Variants in C12orf50 observed in about 807,000 individuals in gnomAD.
C12orf50 encodes zinc finger CCCH-type containing 11D.
C12orf50 carries 35 observed loss-of-function variants against 61.6 expected under a neutral mutation model. That is an observed-to-expected ratio of 0.57 (90% CI 0.43 to 0.75). The LOEUF is 0.75. Ranked by LOEUF, C12orf50 falls within the 30% of genes least tolerant of loss-of-function variation. C12orf50 has a pLI of 0.00. For synonymous variants in C12orf50, 178 were observed against 161.5 expected, an observed-to-expected ratio of 1.10 and a Z score of -0.77; for missense variants, 475 against 488.5, an observed-to-expected ratio of 0.97 and a Z score of 0.26.
At chr12:87,986,242 T>G (rs2030813884) in intron 10 of C12orf50, 70 bp downstream of exon 10, 7 of 1,301,464 alleles carry the variant, frequency 5.4e-6, no homozygotes, top group Non-Finnish European at 7.4e-6. Flanking sequence ...GTTTTTCAGG[T>G]AGAAGATATT....
chr12:88,020,432 A>T (rs2032473360), intron 3 of C12orf50, among the ~76,000 whole-genome samples: 2 of 152,154 alleles, frequency 1.3e-5, no homozygotes, highest in African/African-American at 4.8e-5. Context: ...CAACAAGATT[A>T]AAAAACATAA....
At chr12:87,998,247 T>G in intron 3 of C12orf50, 57 bp from the exon 4 acceptor site, 1 of 1,399,702 alleles carries the variant, frequency 7.1e-7, no homozygotes, top group South Asian at 1.4e-5. Flanking sequence ...GATAAGTAGA[T>G]GTAACAATCA....
chr12:87,985,732 G>T (rs2030774568), intron 11 of C12orf50, 118 bp downstream of exon 11: 2 of 949,064 alleles, frequency 2.1e-6, no homozygotes, highest in Non-Finnish European at 3.3e-6. Flanking sequence ...CTATGGTGGT[G>T]ATGGCCAGGG....
intron 3 of C12orf50, among the ~76,000 whole-genome samples, chr12:88,019,291 T>G (rs1341004631): frequency 1.3e-5 from 2 of 152,178 alleles, no homozygotes; most frequent in African/African-American, 4.8e-5. Flanking sequence ...CTCTCTTTCT[T>G]TGCTGCTGCC....
chr12:87,999,378 T>C (rs1410603547), intron 3 of C12orf50, among the ~76,000 whole-genome samples: 1 of 152,140 alleles, frequency 6.6e-6, no homozygotes, highest in Non-Finnish European at 1.5e-5. Flanking sequence ...TTAGCCGAGA[T>C]CATGCCACTG....
At chr12:87,987,126 A>G (rs757146511) in intron 9 of C12orf50, among the ~76,000 whole-genome samples, 1 of 152,146 alleles carries the variant, frequency 6.6e-6, no homozygotes, top group African/African-American at 2.4e-5. Flanking sequence ...CTGAACATCA[A>G]GTGTACAGTG....
chr12:87,986,019 A>C lies in C12orf50; in HGVS notation c.957T>G (p.Ser319Arg). The change falls in exon 11 of 13, where the codon AGT becomes AGG. Residue 319 changes from serine (S) to arginine (R), a missense_variant. Ser to Arg is a moderately radical substitution (Grantham distance 110). Coordinates refer to ENST00000298699, the MANE Select transcript of C12orf50 (RefSeq NM_152589.3). ...VQAPRPQNKM[S>R]YHRNNKNRNA... ...TTCGATTTTTATTATTGCGGTGATA[A>C]CTCATTTTATTTTGGGGTCTTGGGG... The C allele has an allele frequency of 6.2e-7, 1 of 1,613,818 alleles. No homozygotes were observed. Among genetic ancestry groups the C allele is most frequent in the Non-Finnish European group, 8.5e-7 (1 of 1,179,836 alleles).
intron 3 of C12orf50, among the ~76,000 whole-genome samples, chr12:88,025,706 T>C (rs948042405): frequency 2.0e-5 from 3 of 152,144 alleles, no homozygotes; most frequent in African/African-American, 4.8e-5. Flanking sequence ...ACCACTGCAC[T>C]CCAGCCTGGG....
chr12:87,997,950 T>A (rs186329167), intron 4 of C12orf50, 85 bp downstream of exon 4: 1 of 1,088,798 alleles, frequency 9.2e-7, no homozygotes, highest in East Asian at 2.5e-5. Context: ...ATATATTACA[T>A]CATAAACCTT....
chr12:88,005,912 GTTTTTTT>G (rs371924944), intron 3 of C12orf50, among the ~76,000 whole-genome samples: 1 of 91,034 alleles, frequency 1.1e-5, no homozygotes, highest in African/African-American at 4.3e-5. Context: ...TGTTTTTTTG[GTTTTTTT>G]TTTTTTTTTT....
At chr12:87,994,549 G>A (rs551267381) in intron 7 of C12orf50, 84 bp downstream of exon 7, 2 of 1,068,528 alleles carry the variant, frequency 1.9e-6, no homozygotes, top group East Asian at 4.8e-5. Context: ...GACAAAAAAA[G>A]AAAATTAGTT....
At chr12:87,983,012 A>T in intron 12 of C12orf50, 91 bp downstream of exon 12, 1 of 679,094 alleles carries the variant, frequency 1.5e-6, no homozygotes, top group Non-Finnish European at 2.4e-6. Flanking sequence ...ATTTTTATTT[A>T]TCTTCATGTT....
intron 3 of C12orf50, among the ~76,000 whole-genome samples, chr12:88,006,118 G>A (rs540272345): frequency 7.2e-5 from 11 of 151,972 alleles, no homozygotes; most frequent in East Asian, 1.9e-4. Context: ...GGGTTTCACC[G>A]TGTTAGCTGG....
At chr12:87,980,384 A>C in intron 12 of C12orf50, 28 bp from the exon 13 acceptor site, 2 of 1,577,458 alleles carry the variant, frequency 1.3e-6, no homozygotes, top group Non-Finnish European at 1.7e-6. Context: ...AAAATATTTC[A>C]ATTATTTTCT....
intron 3 of C12orf50, among the ~76,000 whole-genome samples, chr12:88,020,509 T>G (rs2032476740): frequency 6.6e-6 from 1 of 151,968 alleles, no homozygotes; most frequent in Non-Finnish European, 1.5e-5. Context: ...TATATACACA[T>G]CCAACACAGG....
chr12:88,013,890 C>T (rs1397776308), intron 3 of C12orf50, among the ~76,000 whole-genome samples: 3 of 152,148 alleles, frequency 2.0e-5, no homozygotes, highest in Admixed American at 2.0e-4. Context: ...GTAATTCTAA[C>T]GTGGAGCCAG....
intron 3 of C12orf50, among the ~76,000 whole-genome samples, chr12:88,001,771 T>C (rs987427131): frequency 6.6e-5 from 10 of 151,764 alleles, no homozygotes; most frequent in African/African-American, 2.2e-4. Context: ...ATCTAATTTG[T>C]TGAAATATAG....
intron 3 of C12orf50, among the ~76,000 whole-genome samples, chr12:88,006,017 C>T (rs1469631671): frequency 1.3e-5 from 2 of 149,924 alleles, no homozygotes; most frequent in African/African-American, 2.5e-5. Context: ...CCCGGGTTCA[C>T]GCCATTCTCC....
At chr12:88,010,910 T>G (rs1237908417) in intron 3 of C12orf50, among the ~76,000 whole-genome samples, 1 of 152,064 alleles carries the variant, frequency 6.6e-6, no homozygotes, top group Non-Finnish European at 1.5e-5. Flanking sequence ...TTGACATGTA[T>G]TATTATATCT....
Sources: allele counts gnomAD v4.1 joint callset (sites outside exome capture counted in the v4.1 genomes callset), GRCh38; gene constraint gnomAD v4.1.1; transcripts MANE v1.5; gene names NCBI Gene and HGNC (gene_info 2026-07-23, HGNC 2026-07-21).